The following NHLRC2 variants were observed in gnomAD, a reference collection of about 807,000 sequenced individuals.
The protein encoded by NHLRC2 is NHL repeat-containing protein 2.
In NHLRC2, 33 loss-of-function variants were observed where a neutral mutation model predicts 68.1. That is an observed-to-expected ratio of 0.48 (90% CI 0.37 to 0.65). The LOEUF (loss-of-function observed/expected upper bound fraction) is 0.65, where lower values mean the gene tolerates loss of function less well. Among genes scored for constraint, NHLRC2 ranks in the 30% least tolerant of loss-of-function variants. The pLI is 0.00. For missense variants in NHLRC2, 761 were observed against 853.8 expected (o/e 0.89, Z 1.35); for synonymous variants, 311 against 309.6 (o/e 1.00, Z -0.05).
intron 6 of NHLRC2, among the ~76,000 whole-genome samples, chr10:113,900,328 C>T (rs1206731073): frequency 6.6e-6 from 1 of 152,092 alleles, no homozygotes; most frequent in African/African-American, 2.4e-5. Flanking sequence ...AGTGAGATTA[C>T]CAATAAGATT....
chr10:113,884,213 ACATT>A (rs761414183), intron 4 of NHLRC2, 34 bp from the exon 5 acceptor site: 2 of 1,586,548 alleles, frequency 1.3e-6, no homozygotes, highest in South Asian at 2.3e-5. Context: ...AGCAAAAGTA[ACATT>A]CATTGCATAA....
chr10:113,902,054 C>T (rs532728882), intron 7 of NHLRC2, among the ~76,000 whole-genome samples, 157 bp downstream of exon 7: 14 of 152,180 alleles, frequency 9.2e-5, no homozygotes, highest in Non-Finnish European at 1.6e-4. Flanking sequence ...TGTAAAGCAA[C>T]GTGAGGAACA....
chr10:113,859,717 T>A (rs1845798166), intron 2 of NHLRC2, among the ~76,000 whole-genome samples: 1 of 152,236 alleles, frequency 6.6e-6, no homozygotes, highest in Non-Finnish European at 1.5e-5. Context: ...GACATCACGT[T>A]TATTGAACAT....
chr10:113,895,535 A>T (rs943757483), intron 5 of NHLRC2, among the ~76,000 whole-genome samples: 1 of 152,158 alleles, frequency 6.6e-6, no homozygotes, highest in African/African-American at 2.4e-5. Flanking sequence ...TCATATCTGG[A>T]TGTAAGCTTT....
intron 9 of NHLRC2, among the ~76,000 whole-genome samples, chr10:113,904,041 C>G (rs1846251877): frequency 6.7e-6 from 1 of 149,392 alleles, no homozygotes; most frequent in African/African-American, 2.4e-5. Flanking sequence ...TACAGACATA[C>G]TGACATACAC....
chr10:113,855,074 G>A (rs1845732592), intron 1 of NHLRC2, 24 bp downstream of exon 1: 1 of 1,545,562 alleles, frequency 6.5e-7, no homozygotes, highest in Middle Eastern at 1.9e-4. Context: ...GTCGGGGTGG[G>A]GGCCCCTCCC....
At chr10:113,899,442 C>T (rs1373863065) in intron 6 of NHLRC2, among the ~76,000 whole-genome samples, 1 of 152,140 alleles carries the variant, frequency 6.6e-6, no homozygotes, top group Non-Finnish European at 1.5e-5. Flanking sequence ...TTTGGACACA[C>T]TTATGTAATG....
chr10:113,898,198 G>T lies in NHLRC2; in HGVS notation c.1128G>T (p.Leu376=). The change falls in exon 6 of 11, where the codon CTG becomes CTT. Residue 376 remains leucine, a synonymous_variant. Transcript: ENST00000369301. ...IWALLLDSGK[L]PKKNELTKGT... ...CACTCCTGCTGGACTCTGGCAAACT[G>T]CCAAAGAAAAAGTAAGTGACAGCCT... is the stretch of plus-strand genomic sequence containing the variant. The T allele has an allele frequency of 1.1e-5, 17 of 1,609,358 alleles. No homozygotes were observed. The highest frequency in any genetic ancestry group is 1.4e-5 in the Non-Finnish European group (16 of 1,175,848).
At chr10:113,902,430 T>G in intron 7 of NHLRC2, 41 bp from the exon 8 acceptor site, 4 of 1,334,746 alleles carry the variant, frequency 3.0e-6, no homozygotes, top group Non-Finnish European at 4.2e-6. Flanking sequence ...CTGTAAAAAT[T>G]ATAATAACTG....
intron 9 of NHLRC2, among the ~76,000 whole-genome samples, chr10:113,904,378 A>G (rs1266183516): frequency 1.3e-5 from 2 of 152,272 alleles, no homozygotes; most frequent in East Asian, 3.9e-4. Flanking sequence ...AAAAACTGGT[A>G]ATTTGCACGG....
chr10:113,915,280 A>G lies in NHLRC2; in HGVS notation c.*6744A>G, dbSNP rs1208362147. The G allele has an allele frequency of 4.4e-6, 2 of 455,558 alleles. No homozygotes were observed. The highest frequency in any genetic ancestry group is 6.9e-5 in the East Asian group (1 of 14,410). The allele number at this position is 455,558 out of a possible 1,614,324, so 28.2% of individuals were successfully genotyped here. A position where few individuals can be genotyped will look rare whatever the true frequency, so the allele number is the denominator to read the frequency against. On this transcript the variant is annotated 3_prime_UTR_variant, in exon 11 of 11. Coordinates refer to ENST00000369301, the MANE Select transcript of NHLRC2 (RefSeq NM_198514.4). ...CTTCCCTACCTGTACAAGCAGCCATATACTAAAAAGCACTAAACAAGCACA... is the reference window on the plus strand; with the variant it reads ...CTTCCCTACCTGTACAAGCAGCCATGTACTAAAAAGCACTAAACAAGCACA...
intron 3 of NHLRC2, among the ~76,000 whole-genome samples, chr10:113,878,484 A>G (rs1209715803): frequency 1.3e-5 from 2 of 152,168 alleles, no homozygotes; most frequent in Non-Finnish European, 2.9e-5. Flanking sequence ...CCAGCTAGAA[A>G]GAGACAGACT....
rs1393265819 is a variant in NHLRC2 at position 113,912,128 on chromosome 10, A to G, written c.*3592A>G. 6.6e-6 allele frequency: 1 copy of G among 152,130 alleles called. No homozygotes were observed. Among genetic ancestry groups the G allele is most frequent in the Non-Finnish European group, 1.5e-5 (1 of 68,026 alleles). The allele number at this position is 152,130 out of a possible 1,614,324, so 9.4% of individuals were successfully genotyped here. On this transcript the variant is annotated 3_prime_UTR_variant, in exon 11 of 11. Transcript: ENST00000369301. ...TTCTGTTATTTTTATTGTGTAACGT[A>G]GTGTAGTGGTTAAGAGCTTGGATTT...
chr10:113,879,507 T>C, intron 3 of NHLRC2, 67 bp from the exon 4 acceptor site: 1 of 1,287,366 alleles, frequency 7.8e-7, no homozygotes, highest in South Asian at 1.4e-5. Context: ...TAAATACAAG[T>C]TTGTTTTGTT....
chr10:113,901,624 T>TA (rs772975654), intron 6 of NHLRC2, 42 bp from the exon 7 acceptor site: 1 of 1,242,464 alleles, frequency 8.0e-7, no homozygotes, highest in African/African-American at 1.5e-5. Context: ...TTGCACACAA[T>TA]ATACCACATG....
intron 1 of NHLRC2, 98 bp downstream of exon 1, chr10:113,855,148 C>T (rs936440349): frequency 1.9e-6 from 2 of 1,079,474 alleles, no homozygotes; most frequent in Non-Finnish European, 2.7e-6. Context: ...GGGTTTGTGC[C>T]GCTGGCGCCC....
At chr10:113,879,291 T>C (rs1216821986) in intron 3 of NHLRC2, among the ~76,000 whole-genome samples, 2 of 152,194 alleles carry the variant, frequency 1.3e-5, no homozygotes, top group Non-Finnish European at 2.9e-5. Flanking sequence ...ATTGGAGTTA[T>C]TTTTAAATCT....
At chr10:113,897,275 G>A (rs1161774912) in intron 5 of NHLRC2, among the ~76,000 whole-genome samples, 1 of 152,148 alleles carries the variant, frequency 6.6e-6, no homozygotes, top group Non-Finnish European at 1.5e-5. Flanking sequence ...TCTAAACTGA[G>A]TGCTTTCTTA....
chr10:113,858,439 TA>T (rs1214345494), intron 1 of NHLRC2, 88 bp from the exon 2 acceptor site: 591 of 850,904 alleles, frequency 6.9e-4, no homozygotes, highest in Non-Finnish European at 8.7e-4. Context: ...GCATTAGTCT[TA>T]AAAAAAAAGG....
Sources: gnomAD v4.1 joint callset for allele counts (sites outside exome capture counted in the v4.1 genomes callset) on GRCh38, gnomAD v4.1.1 for gene constraint, MANE v1.5 for transcripts, NCBI Gene and HGNC (gene_info 2026-07-23, HGNC 2026-07-21) for gene names.